The following LMBR1L variants were observed in gnomAD, a reference collection of about 807,000 sequenced individuals.
LMBR1L encodes the protein limb development membrane protein 1 like.
In LMBR1L, 47 loss-of-function variants were observed where a neutral mutation model predicts 67.3. The ratio of observed to expected loss-of-function variants is 0.70; its 90% CI spans 0.55 to 0.89. The LOEUF (loss-of-function observed/expected upper bound fraction) is 0.89, where lower values mean the gene tolerates loss of function less well. LMBR1L is among the 40% of genes least tolerant of loss of function. The pLI is 0.00. For missense variants in LMBR1L, 533 were observed against 599.2 expected, an observed-to-expected ratio of 0.89 and a Z score of 1.15; for synonymous variants, 247 against 250.3, an observed-to-expected ratio of 0.99 and a Z score of 0.13.
At chr12:49,104,707 C>T in intron 4 of LMBR1L, 39 bp downstream of exon 4, 1 of 1,611,330 alleles carries the variant, frequency 6.2e-7, no homozygotes, top group Non-Finnish European at 8.5e-7. Context: ...GCTCTCTGCT[C>T]CCTATCCCTA....
rs151106635 is a variant in LMBR1L at position 49,103,280 on chromosome 12, TGAAGAAA to T, written c.563-128_563-122del. On this transcript the variant is annotated intron_variant, in intron 6 of 16. Coordinates refer to ENST00000267102, the MANE Select transcript of LMBR1L (RefSeq NM_018113.4). ...ACAGGGGTTAGGCAATTAATACAAA[TGAAGAAA>T]GCTGGCCAGCATTAGCAGAATAGGG... The T allele has an allele frequency of 3.3e-4, 265 of 801,736 alleles. 1 individual carries two copies. The African/African-American group carries it at 3.7e-3, about 11-fold the overall frequency. 49.7% of individuals were successfully genotyped at this position (801,736 alleles called of 1,614,324 possible). A position where few individuals can be genotyped will look rare whatever the true frequency, so the allele number is the denominator to read the frequency against.
In LMBR1L at chr12:49,103,100, G is replaced by A; in HGVS notation, c.622C>T (p.Leu208=). The change falls in exon 7 of 17, where the codon CTG becomes TTG. Residue 208 remains leucine (L), a synonymous_variant. Transcript: ENST00000267102. ...GACCCTGTACACTCACCCAGGAGCA[G>A]CAGAACCCCAAGGAAGGAGATGCAT... ...YSCISFLGVL[L]LLVCTPLGLA... is the part of the protein sequence containing the mutation. The A allele has an allele frequency of 6.2e-7, 1 of 1,613,958 alleles. No individual in the cohort carries two copies. The highest frequency in any genetic ancestry group is 8.5e-7 in the Non-Finnish European group (1 of 1,179,878).
chr12:49,106,890 C>A, intron 2 of LMBR1L, 71 bp downstream of exon 2: 1 of 1,225,832 alleles, frequency 8.2e-7, no homozygotes, highest in South Asian at 1.2e-5. Flanking sequence ...CAGTGGGTAC[C>A]ATAGGCCCAT....
intron 3 of LMBR1L, 40 bp downstream of exon 3, chr12:49,105,884 A>G (rs1409337940): frequency 1.9e-6 from 3 of 1,580,842 alleles, no homozygotes; most frequent in Non-Finnish European, 2.6e-6. Context: ...CCCAGTTCCT[A>G]AAGACCACTG....
In LMBR1L at chr12:49,097,759, CA is replaced by C. The variant is rs1939574739; in HGVS notation, c.1403-21del. ...CCAGCCCTGGAGAAGAGGAGATGGG[CA>C]GTCAAAAGCAAGTCAAAGGTCCAGT... On this transcript the variant is annotated intron_variant, in intron 16 of 16. Transcript: ENST00000267102. 2 of 1,613,828 alleles carry C rather than the reference CA, an allele frequency of 1.2e-6. No individual in the cohort carries two copies. Among genetic ancestry groups the C allele is most frequent in the African/African-American group, 2.7e-5 (2 of 74,910 alleles).
chr12:49,097,342 T>A lies in LMBR1L; in HGVS notation c.*330A>T. On this transcript the variant is annotated 3_prime_UTR_variant, in exon 17 of 17. Transcript: ENST00000267102. Reference sequence around the variant, plus strand: ...TCCTTTCCCTGCCCCTACCCCACCCTATTGCACATCAAATCATGTAAACAT... The same window carrying A: ...TCCTTTCCCTGCCCCTACCCCACCCAATTGCACATCAAATCATGTAAACAT... 2 of 306,122 alleles carry A rather than the reference T, an allele frequency of 6.5e-6. No individual in the cohort carries two copies. Among genetic ancestry groups the A allele is most frequent in the South Asian group, 3.8e-5 (1 of 26,050 alleles). 19.0% of individuals were successfully genotyped at this position (306,122 alleles called of 1,614,324 possible).
chr12:49,109,754 C>A, intron 1 of LMBR1L: 1 of 456,414 alleles, frequency 2.2e-6, no homozygotes, highest in Non-Finnish European at 4.4e-6. Flanking sequence ...CACTTCTGTG[C>A]GCAAGGTTCA....
At chr12:49,098,978 CTTTT>C (rs757291862) in intron 15 of LMBR1L, among the ~76,000 whole-genome samples, 10 of 138,248 alleles carry the variant, frequency 7.2e-5, no homozygotes, top group South Asian at 2.3e-4. Context: ...ATTAAAAACA[CTTTT>C]TTTTTTTTTT....
At chr12:49,106,163 T>C in intron 2 of LMBR1L, 2 of 571,012 alleles carry the variant, frequency 3.5e-6, no homozygotes, top group South Asian at 4.6e-5. Flanking sequence ...TGGTCCCAGG[T>C]GAAGAGAATA....
chr12:49,109,347 C>T (rs888067790), intron 1 of LMBR1L, among the ~76,000 whole-genome samples: 4 of 152,160 alleles, frequency 2.6e-5, no homozygotes, highest in African/African-American at 7.2e-5. Context: ...GGACTGTCCA[C>T]CAAGAAACAC....
chr12:49,109,514 G>A (rs932786307), intron 1 of LMBR1L, among the ~76,000 whole-genome samples: 2 of 152,196 alleles, frequency 1.3e-5, no homozygotes, highest in Non-Finnish European at 2.9e-5. Flanking sequence ...AGCCCAGCCT[G>A]AGAAAAATGA....
chr12:49,098,572 C>T (rs1490615950), intron 15 of LMBR1L, among the ~76,000 whole-genome samples: 2 of 152,162 alleles, frequency 1.3e-5, no homozygotes, highest in Non-Finnish European at 2.9e-5. Context: ...TTAAATGAGA[C>T]AACACACATA....
At chr12:49,105,783 G>C (rs1336500150) in intron 3 of LMBR1L, 141 bp downstream of exon 3, 1 of 639,374 alleles carries the variant, frequency 1.6e-6, no homozygotes, top group Non-Finnish European at 2.6e-6. Flanking sequence ...GTGAGGTAAA[G>C]CCGGAAGCCA....
At chr12:49,103,967 A>G (rs1428665011) in intron 5 of LMBR1L, 154 bp from the exon 6 acceptor site, 1 of 745,090 alleles carries the variant, frequency 1.3e-6, no homozygotes, top group African/African-American at 1.8e-5. Flanking sequence ...CTGTCTTCCC[A>G]CTCCCCAGTC....
Position 49,097,589 on chromosome 12 carries a change from G to A in LMBR1L, c.*83C>T. The A allele has an allele frequency of 7.2e-7, 1 of 1,397,272 alleles. No homozygotes were observed. The highest frequency in any genetic ancestry group is 1.2e-5 in the South Asian group (1 of 84,310). The allele number at this position is 1,397,272 out of a possible 1,614,324, so 86.6% of individuals were successfully genotyped here. ...ACCCTCTCAGATTCCAGGTCCTGAG[G>A]TCCAAGTAGCCTTGGGCTTCCCTCC... On this transcript the variant is annotated 3_prime_UTR_variant, in exon 17 of 17. Transcript: ENST00000267102.
chr12:49,102,589 C>T, intron 8 of LMBR1L, 49 bp from the exon 9 acceptor site: 1 of 1,569,056 alleles, frequency 6.4e-7, no homozygotes, highest in Non-Finnish European at 8.8e-7. Flanking sequence ...CTCCCTGACC[C>T]AAAGGCCCCA....
rs1940678929 is a variant in LMBR1L, at chr12:49,104,754, A to C, written c.323T>G (p.Leu108Arg). The change falls in exon 4 of 17, where the codon CTC (leucine) becomes CGC (arginine). Residue 108 changes from leucine (L) to arginine (R), a missense_variant. Coordinates refer to ENST00000267102, the MANE Select transcript of LMBR1L (RefSeq NM_018113.4). ...TTCCAGGAGCCACACACCATGGATG[A>C]GGGAGCCGTTGAGCCACTGGATGTA... ...NYYIQWLNGS[L>R]IHGLWNLVFL... is the part of the protein sequence containing the mutation. 1 of 1,613,322 alleles carries C rather than the reference A, an allele frequency of 6.2e-7. No homozygotes were observed. Among genetic ancestry groups the C allele is most frequent in the South Asian group, 1.1e-5 (1 of 90,940 alleles).
At position 49,101,459 on chromosome 12, in the gene LMBR1L, G is replaced by C; in HGVS notation, c.1008+13C>G. On this transcript the variant is annotated intron_variant, in intron 12 of 16. Transcript: ENST00000267102. ...CCCTCCCCAAAGGATATGGTGGGAG[G>C]GCAGCCTGGTACCTGCATGCCTCGG... The C allele has an allele frequency of 6.2e-7, 1 of 1,613,526 alleles. No homozygotes were observed. The highest frequency in any genetic ancestry group is 8.5e-7 in the Non-Finnish European group (1 of 1,179,634).
intron 16 of LMBR1L, 70 bp downstream of exon 16, chr12:49,097,874 G>A: frequency 2.5e-6 from 4 of 1,590,148 alleles, no homozygotes; most frequent in Middle Eastern, 1.7e-4. Context: ...CCCTGCTGGG[G>A]TGATCCATGT....
Sources: gnomAD v4.1 joint callset for allele counts (sites outside exome capture counted in the v4.1 genomes callset) on GRCh38, gnomAD v4.1.1 for gene constraint, MANE v1.5 for transcripts, NCBI Gene and HGNC (gene_info 2026-07-23, HGNC 2026-07-21) for gene names.